The following SLC27A2 variants were observed in gnomAD, a reference collection of about 807,000 sequenced individuals.
The protein encoded by SLC27A2 is long-chain fatty acid transport protein 2.
In SLC27A2, 54 loss-of-function variants were observed where a neutral mutation model predicts 60.0. The observed-to-expected ratio is 0.90, with a 90% CI of 0.72 to 1.13. The LOEUF (loss-of-function observed/expected upper bound fraction) is 1.13, where lower values mean the gene tolerates loss of function less well. SLC27A2 is among the 50% of genes most tolerant of loss of function. The probability of loss-of-function intolerance (pLI) is 0.00; values close to 1 mark genes in which losing one functional copy is unlikely to be tolerated. For synonymous variants in SLC27A2, 297 were observed against 297.6 expected (o/e 1.00, Z 0.02); for missense variants, 739 against 777.6 (o/e 0.95, Z 0.59).
intron 5 of SLC27A2, among the ~76,000 whole-genome samples, chr15:50,224,938 T>A (rs2045269110): frequency 6.6e-6 from 1 of 152,214 alleles, no homozygotes; most frequent in Non-Finnish European, 1.5e-5. Flanking sequence ...TACCCATTCT[T>A]TACTTTCTCA....
intron 1 of SLC27A2, among the ~76,000 whole-genome samples, chr15:50,185,085 C>T (rs777681609): frequency 9.9e-5 from 15 of 152,158 alleles, no homozygotes; most frequent in Admixed American, 2.0e-4. Context: ...TATCCCAGGT[C>T]CCCTGAGAGG....
At chr15:50,219,976 G>A (rs1567435641) in intron 4 of SLC27A2, among the ~76,000 whole-genome samples, 1 of 152,190 alleles carries the variant, frequency 6.6e-6, no homozygotes, top group Non-Finnish European at 1.5e-5. Flanking sequence ...TTCGCCCTAT[G>A]GGAAAGGAAA....
intron 1 of SLC27A2, among the ~76,000 whole-genome samples, chr15:50,192,711 A>G (rs1453259458): frequency 1.3e-5 from 2 of 148,902 alleles, no homozygotes; most frequent in Non-Finnish European, 3.0e-5. Flanking sequence ...CATCCGGCTA[A>G]TATTTCTTTG....
chr15:50,229,011 A>G lies in SLC27A2; in HGVS notation c.1524A>G (p.Gln508=). The change falls in exon 8 of 10, where the codon CAA becomes CAG. Residue 508 remains glutamine, a synonymous_variant. Transcript: ENST00000267842. ...ADTVGLVDFV[Q]EVNVYGVHVP... ...CAGTTGGACTGGTTGATTTTGTCCA[A>G]GAAGTAAATGTTTATGGAGTGCATG... The G allele has an allele frequency of 6.2e-7, 1 of 1,613,576 alleles. No homozygotes were observed. The highest frequency in any genetic ancestry group is 8.5e-7 in the Non-Finnish European group (1 of 1,179,438).
rs377050693 is a variant in SLC27A2, at chr15:50,197,703, A to G, written c.682A>G (p.Thr228Ala). 4.7e-5 allele frequency: 76 copies of G among 1,609,228 alleles called. 1 individual carries two copies. The highest frequency in any genetic ancestry group is 6.1e-5 in the Non-Finnish European group (72 of 1,175,968). Residue 228 changes from threonine to alanine, a missense_variant, in exon 2 of 10, where the codon ACC becomes GCC. By Grantham distance (58) the Thr-to-Ala change is moderately conservative (BLOSUM62 0). Coordinates refer to ENST00000267842, the MANE Select transcript of SLC27A2 (RefSeq NM_003645.4). The part of the protein sequence containing the change: ...TPALYIYTSG[T>A]TGLPKAAMIT... ...TGCCTTATACATTTATACTTCTGGA[A>G]CCACAGGTAAAAATAAAGGGGGGAT...
At chr15:50,191,089 T>A (rs2044969607) in intron 1 of SLC27A2, 1 of 152,324 alleles carries the variant, frequency 6.6e-6, no homozygotes, top group South Asian at 2.1e-4. Flanking sequence ...CATGTGACCC[T>A]CCATACACTG....
chr15:50,225,334 T>C (rs12440789), intron 5 of SLC27A2, among the ~76,000 whole-genome samples: 28,942 of 152,176 alleles, frequency 0.19, 3,265 homozygotes, highest in East Asian at 0.31. Context: ...ATTAAATTCT[T>C]ATGCTTTGAA....
At chr15:50,232,860 C>A (rs982461732) in intron 8 of SLC27A2, among the ~76,000 whole-genome samples, 3 of 152,084 alleles carry the variant, frequency 2.0e-5, no homozygotes, top group Non-Finnish European at 4.4e-5. Flanking sequence ...TTCTTTAGAG[C>A]TATAGGTAAA....
intron 1 of SLC27A2, among the ~76,000 whole-genome samples, chr15:50,192,805 G>T (rs748574738): frequency 8.5e-6 from 1 of 117,596 alleles, no homozygotes; most frequent in African/African-American, 3.1e-5. Context: ...AAAAAAAGAA[G>T]AAGAAGTACA....
At chr15:50,231,065 T>A (rs2045313459) in intron 8 of SLC27A2, among the ~76,000 whole-genome samples, 1 of 151,602 alleles carries the variant, frequency 6.6e-6, no homozygotes, top group African/African-American at 2.4e-5. Flanking sequence ...TAGGGGGTGA[T>A]GAAAATGCAC....
chr15:50,211,943 C>T (rs2045159323), intron 4 of SLC27A2, among the ~76,000 whole-genome samples: 2 of 151,226 alleles, frequency 1.3e-5, no homozygotes, highest in Non-Finnish European at 2.9e-5. Context: ...TGGTGGCAGG[C>T]ACCTGTAGTC....
intron 7 of SLC27A2, among the ~76,000 whole-genome samples, chr15:50,228,258 T>C (rs1289202736): frequency 6.6e-6 from 1 of 151,122 alleles, no homozygotes; most frequent in Non-Finnish European, 1.5e-5. Context: ...GCGCCTGTAG[T>C]CCCAGCTACT....
In SLC27A2 at chr15:50,236,042, G is replaced by T. The variant is rs750987525; in HGVS notation, c.1809G>T (p.Val603=). ...TGGATGACACAGCAAAAATGTATGT[G>T]CCTATGACTGAGGACATCTATAATG... The part of the protein sequence containing the change: ...YFLDDTAKMY[V]PMTEDIYNAI... Residue 603 remains valine, a synonymous_variant, in exon 10 of 10, where the codon GTG becomes GTT. Coordinates refer to ENST00000267842, the MANE Select transcript of SLC27A2 (RefSeq NM_003645.4). The T allele has an allele frequency of 6.2e-7, 1 of 1,613,908 alleles. No individual in the cohort carries two copies. The highest frequency in any genetic ancestry group is 8.5e-7 in the Non-Finnish European group (1 of 1,179,898).
intron 4 of SLC27A2, among the ~76,000 whole-genome samples, chr15:50,208,267 G>C (rs1340458817): frequency 2.0e-5 from 3 of 152,216 alleles, no homozygotes; most frequent in Non-Finnish European, 4.4e-5. Context: ...TTCTCTAGTA[G>C]AGCAGTGGGC....
chr15:50,201,807 A>T (rs888005629), intron 2 of SLC27A2, among the ~76,000 whole-genome samples: 1 of 152,158 alleles, frequency 6.6e-6, no homozygotes, highest in Non-Finnish European at 1.5e-5. Context: ...CGCCCGCCTC[A>T]GCCTCCCAAA....
chr15:50,212,344 C>T (rs188355631), intron 4 of SLC27A2, among the ~76,000 whole-genome samples: 1 of 152,256 alleles, frequency 6.6e-6, no homozygotes, highest in Admixed American at 6.5e-5. Context: ...AGGAAGAAGA[C>T]AATTCTAAAC....
chr15:50,203,816 C>A (rs566222807), intron 3 of SLC27A2, among the ~76,000 whole-genome samples: 16 of 152,028 alleles, frequency 1.1e-4, no homozygotes, highest in Non-Finnish European at 2.2e-4. Flanking sequence ...CTTATCAGAA[C>A]AGGAGACAGC....
At chr15:50,218,928 T>C (rs2045222311) in intron 4 of SLC27A2, among the ~76,000 whole-genome samples, 1 of 152,110 alleles carries the variant, frequency 6.6e-6, no homozygotes, top group African/African-American at 2.4e-5. Context: ...GATTTCACCA[T>C]GAGGAAAATT....
chr15:50,207,946 AC>A (rs1446622658), intron 4 of SLC27A2, among the ~76,000 whole-genome samples: 8 of 148,730 alleles, frequency 5.4e-5, no homozygotes, highest in African/African-American at 2.0e-4. Flanking sequence ...TATCAAAAAG[AC>A]TTTGCAAAAA....
Sources: allele counts gnomAD v4.1 joint callset (sites outside exome capture counted in the v4.1 genomes callset), GRCh38; gene constraint gnomAD v4.1.1; transcripts MANE v1.5; gene names NCBI Gene and HGNC (gene_info 2026-07-23, HGNC 2026-07-21).